Variants in MBP observed in about 807,000 individuals in gnomAD.
MBP encodes the protein myelin basic protein.
In MBP, 16 loss-of-function variants were observed where a neutral mutation model predicts 35.8. The observed-to-expected ratio is 0.45, with a 90% confidence interval of 0.30 to 0.68. MBP has a LOEUF of 0.68. MBP is among the 30% of genes least tolerant of loss of function. The probability of loss-of-function intolerance (pLI) is 0.08; values close to 1 mark genes in which losing one functional copy is unlikely to be tolerated. For synonymous variants in MBP, 143 were observed against 159.6 expected (o/e 0.90, Z 0.78); for missense variants, 380 against 404.7 (o/e 0.94, Z 0.52).
Position 77,017,143 on chromosome 18 carries a change from G to A in MBP, c.265C>T (p.Pro89Ser). Reference sequence around the variant, plus strand: ...CGGGAAAAGAGGCGGATCAAGTGGGGGCGGCTCCCTGGGTCAGCTGGGTGG... The same window carrying A: ...CGGGAAAAGAGGCGGATCAAGTGGGAGCGGCTCCCTGGGTCAGCTGGGTGG... ...DAHPADPGSRPHLIRLFSRDA... is the reference protein window; with the variant it reads ...DAHPADPGSRSHLIRLFSRDA... The change falls in exon 4 of 9, where the codon CCC becomes TCC. Residue 89 changes from proline to serine, a missense_variant. By Grantham distance (74) the Pro-to-Ser change is moderately conservative (BLOSUM62 -1). Transcript: ENST00000355994. 6.4e-7 allele frequency: 1 copy of A among 1,569,274 alleles called. No individual in the cohort carries two copies. Among genetic ancestry groups the A allele is most frequent in the Non-Finnish European group, 8.7e-7 (1 of 1,155,350 alleles).
Position 77,062,813 on chromosome 18 carries a change from G to A in MBP, c.139+3485C>T, listed in dbSNP as rs1024749498. Among the ~76,000 whole-genome samples, 4 of 152,150 alleles carry A rather than the reference G, an allele frequency of 2.6e-5. No homozygotes were observed. In the East Asian group the frequency reaches 7.7e-4, roughly 29 times the overall value. On this transcript the variant is annotated intron_variant, in intron 3 of 8. Coordinates refer to ENST00000355994, the MANE Select transcript of MBP (RefSeq NM_001025101.2). ...AATGCGCCAATCAGTCTTAACTCGGGGACTCTCTTATCAGCTGAAATACAA... is the reference window on the plus strand; with the variant it reads ...AATGCGCCAATCAGTCTTAACTCGGAGACTCTCTTATCAGCTGAAATACAA...
intron 2 of MBP, among the ~76,000 whole-genome samples, chr18:77,084,625 G>A (rs1355989652): frequency 6.6e-6 from 1 of 152,002 alleles, no homozygotes; most frequent in Non-Finnish European, 1.5e-5. Flanking sequence ...CTCACCTCCC[G>A]GAATGCACAC....
Position 77,044,391 on chromosome 18 carries a change from C to T in MBP, c.139+21907G>A, listed in dbSNP as rs1461131225. Among the ~76,000 whole-genome samples the T allele has an allele frequency of 6.6e-6, 1 of 152,118 alleles. No individual in the cohort carries two copies. The highest frequency in any genetic ancestry group is 2.1e-4 in the South Asian group (1 of 4,814). On this transcript the variant is annotated intron_variant, in intron 3 of 8. Transcript: ENST00000355994. The surrounding 1 kb of genome is among the most constrained non-coding windows in gnomAD (Gnocchi z 4.4). ...AGCTGCCGTGGTGCCAGCCCCCTGC[C>T]CCTCTCCTCCACCTCCATAGATCAG...
chr18:77,050,824 G>A (rs1376879455), intron 3 of MBP, among the ~76,000 whole-genome samples: 1 of 152,188 alleles, frequency 6.6e-6, no homozygotes, highest in Admixed American at 6.5e-5. Context: ...GGGATTACAG[G>A]CGTGAGCCAC....
In MBP at chr18:77,017,213, AGTCACCGCTGT is replaced by A; in HGVS notation, c.184_194del (p.Thr62Ter). The stretch of plus-strand genomic sequence containing the variant: ...TCGGGTCCGCTGTGCGCTTGGAGTC[AGTCACCGCTGT>A]GTCCTGAGAGGAGGTCCCATTGTTC... On this transcript the variant is annotated frameshift_variant, in exon 4 of 9. Transcript: ENST00000355994. LOFTEE classifies it high-confidence loss of function. The A allele has an allele frequency of 6.5e-7, 1 of 1,527,344 alleles. No individual in the cohort carries two copies. Among genetic ancestry groups the A allele is most frequent in the Non-Finnish European group, 8.8e-7 (1 of 1,138,332 alleles). 94.6% of individuals were successfully genotyped at this position (1,527,344 alleles called of 1,614,324 possible). A position where few individuals can be genotyped will look rare whatever the true frequency, so the allele number is the denominator to read the frequency against.
chr18:77,012,000 C>T (rs1414008635), intron 4 of MBP, among the ~76,000 whole-genome samples: 1 of 152,136 alleles, frequency 6.6e-6, no homozygotes, highest in East Asian at 1.9e-4. Flanking sequence ...AATGTCCAGA[C>T]TTTTTATCAA....
At chr18:76,987,495 C>G (rs527264395) in intron 7 of MBP, 4 of 985,608 alleles carry the variant, frequency 4.1e-6, no homozygotes, top group Admixed American at 1.2e-4. Context: ...TACCCTGCCC[C>G]TTCCTCCCTC....
At chr18:76,998,542 C>T (rs1433362293) in intron 4 of MBP, among the ~76,000 whole-genome samples, 1 of 152,156 alleles carries the variant, frequency 6.6e-6, no homozygotes, top group Admixed American at 6.5e-5. Flanking sequence ...TCGGGTGACT[C>T]GCAGAAGAGA....
intron 1 of MBP, among the ~76,000 whole-genome samples, chr18:77,119,676 A>G (rs1976828652): frequency 6.6e-6 from 1 of 152,154 alleles, no homozygotes; most frequent in African/African-American, 2.4e-5. Flanking sequence ...CAGGGAGCCG[A>G]GAGCAGGAGC....
intron 3 of MBP, among the ~76,000 whole-genome samples, chr18:77,032,911 T>C (rs570768991): frequency 6.6e-6 from 1 of 152,280 alleles, no homozygotes; most frequent in South Asian, 2.1e-4. Context: ...TTGAACTGAG[T>C]TGAATTTGGA....
chr18:77,112,451 G>A (rs1486695298), intron 1 of MBP, among the ~76,000 whole-genome samples: 1 of 152,240 alleles, frequency 6.6e-6, no homozygotes, highest in Non-Finnish European at 1.5e-5. Flanking sequence ...CAGCCCTCGT[G>A]CATAACGGGG....
chr18:77,105,765 G>A (rs1976255564), intron 1 of MBP, among the ~76,000 whole-genome samples: 1 of 152,328 alleles, frequency 6.6e-6, no homozygotes, highest in South Asian at 2.1e-4. Context: ...GAAACCATGT[G>A]AGCACAGAAA....
intron 3 of MBP, among the ~76,000 whole-genome samples, chr18:77,035,343 T>C (rs1304944277): frequency 2.0e-5 from 3 of 152,248 alleles, no homozygotes; most frequent in Non-Finnish European, 4.4e-5. Context: ...TTTTTCTCTA[T>C]GATTGGAATG....
At position 77,105,299 on chromosome 18, in the gene MBP, G is replaced by A. The variant is rs1599255018; in HGVS notation, c.-25-13C>T. The A allele has an allele frequency of 3.8e-6, 6 of 1,561,380 alleles. No individual in the cohort carries two copies. The East Asian group carries it at 1.3e-4, about 35-fold the overall frequency. On this transcript the variant is annotated splice_polypyrimidine_tract_variant and intron_variant, in intron 1 of 8. Coordinates refer to ENST00000355994, the MANE Select transcript of MBP (RefSeq NM_001025101.2). ...GGCTCTTCAGAGGCTAAAAGAGAAA[G>A]AGAAAGTGTCAGCCCTAAGTCTAGT...
At chr18:77,018,045 ACTTATCTACAGAAAACAGGATT>A in intron 3 of MBP, among the ~76,000 whole-genome samples, 1 of 152,336 alleles carries the variant, frequency 6.6e-6, no homozygotes, top group African/African-American at 2.4e-5. Flanking sequence ...AAACTCTATT[ACTTATCTACAGAAAACAGGATT>A]CACTCACATA....
At chr18:77,005,589 C>T (rs767309868) in intron 4 of MBP, 3 of 152,236 alleles carry the variant, frequency 2.0e-5, no homozygotes, top group Non-Finnish European at 2.9e-5. Context: ...AACCATGGGG[C>T]TTTTGAGGCT....
chr18:77,117,284 A>G (rs1976700119), intron 1 of MBP, among the ~76,000 whole-genome samples: 1 of 152,252 alleles, frequency 6.6e-6, no homozygotes, highest in African/African-American at 2.4e-5. Context: ...ATAAACACCT[A>G]GCATGCATGG....
At chr18:77,057,971 C>T (rs1291809430) in intron 3 of MBP, among the ~76,000 whole-genome samples, 1 of 63,510 alleles carries the variant, frequency 1.6e-5, no homozygotes, top group East Asian at 5.3e-4. Flanking sequence ...GGACTACAGG[C>T]GCCCGCCACT....
At chr18:77,066,660 A>C (rs2144807562) in intron 2 of MBP, 1 of 651,912 alleles carries the variant, frequency 1.5e-6, no homozygotes, top group South Asian at 1.4e-5. Flanking sequence ...TAGGTAAAAT[A>C]AATTAGCTAC....
Sources: allele counts gnomAD v4.1 joint callset (sites outside exome capture counted in the v4.1 genomes callset), GRCh38; gene constraint gnomAD v4.1.1; non-coding constraint Gnocchi (gnomAD v3.1); transcripts MANE v1.5; gene names NCBI Gene and HGNC (gene_info 2026-07-23, HGNC 2026-07-21).